The following SHANK2 variants were observed in gnomAD, a reference collection of about 807,000 sequenced individuals.
The protein encoded by SHANK2 is SH3 and multiple ankyrin repeat domains protein 2.
SHANK2 carries 43 observed loss-of-function variants against 133.7 expected under a neutral mutation model. That is an observed-to-expected ratio of 0.32 (90% CI 0.25 to 0.41). SHANK2 has a LOEUF of 0.41. Among genes scored for constraint, SHANK2 ranks in the 10% least tolerant of loss-of-function variants. The pLI, the probability that SHANK2 is intolerant of heterozygous loss-of-function variation, is 1.00. For synonymous variants in SHANK2, 1,017 were observed against 952.8 expected (o/e 1.07, Z -1.24); for missense variants, 1,994 against 2,235.8 (o/e 0.89, Z 2.18).
intron 1 of SHANK2, among the ~76,000 whole-genome samples, chr11:71,235,610 A>C (rs1414609591): frequency 6.8e-6 from 1 of 147,278 alleles, no homozygotes. Flanking sequence ...AAAAAAAAAA[A>C]CGTTAACTTT....
intron 11 of SHANK2, among the ~76,000 whole-genome samples, chr11:70,837,975 CAAA>C (rs55862093): frequency 4.0e-4 from 10 of 25,174 alleles, no homozygotes; most frequent in African/African-American, 1.3e-3. Flanking sequence ...CATTCTGTCT[CAAA>C]AAAAAAAAAA....
At position 70,559,743 on chromosome 11, in the gene SHANK2, G is replaced by A. The variant is rs139111080; in HGVS notation, c.2062-56812C>T. Among the ~76,000 whole-genome samples, 907 of 152,138 alleles carry A rather than the reference G, an allele frequency of 6.0e-3. 12 individuals carry two copies. Among genetic ancestry groups the A allele is most frequent in the African/African-American group, 0.021 (868 of 41,518 alleles). Reference sequence around the variant, plus strand: ...GTAACCTCTCCCCAAAACAGAAGACGGTGCGCCCTGCCCAGTCCCCTCCTG... The same window carrying A: ...GTAACCTCTCCCCAAAACAGAAGACAGTGCGCCCTGCCCAGTCCCCTCCTG... On this transcript the variant is annotated intron_variant, in intron 17 of 25. Coordinates refer to ENST00000601538, the MANE Select transcript of SHANK2 (RefSeq NM_012309.5).
chr11:71,221,245 A>G (rs1367977727), intron 2 of SHANK2, among the ~76,000 whole-genome samples: 2 of 151,996 alleles, frequency 1.3e-5, no homozygotes, highest in African/African-American at 2.4e-5. Context: ...ATTCTGTATT[A>G]TGTGTATCTT....
chr11:71,168,418 G>A (rs1555111599), intron 2 of SHANK2, among the ~76,000 whole-genome samples: 3 of 151,746 alleles, frequency 2.0e-5, no homozygotes, highest in African/African-American at 2.4e-5. Context: ...CTTCCCAGAC[G>A]GGGTGGCGGC....
At chr11:70,920,845 T>C (rs889982325) in intron 10 of SHANK2, among the ~76,000 whole-genome samples, 8 of 152,362 alleles carry the variant, frequency 5.3e-5, no homozygotes, top group African/African-American at 1.9e-4. Flanking sequence ...GCGATACAGA[T>C]GTTAAGATCA....
intron 11 of SHANK2, among the ~76,000 whole-genome samples, chr11:70,839,417 G>A (rs1590744827): frequency 6.6e-6 from 1 of 152,192 alleles, no homozygotes; most frequent in East Asian, 1.9e-4. Context: ...CAGGTCTGGA[G>A]GCAACACACA....
intron 11 of SHANK2, among the ~76,000 whole-genome samples, chr11:70,871,903 G>T (rs1949472152): frequency 6.6e-6 from 1 of 152,174 alleles, no homozygotes. Flanking sequence ...ACACCGTCTT[G>T]AAAGAAGCCT....
chr11:70,874,697 A>AT (rs1216242126), intron 11 of SHANK2, among the ~76,000 whole-genome samples: 124 of 151,762 alleles, frequency 8.2e-4, no homozygotes, highest in Non-Finnish European at 1.6e-3. Flanking sequence ...AAAAAAAAAA[A>AT]ATTCCACCTT....
At chr11:70,789,396 C>A (rs757325162) in intron 14 of SHANK2, among the ~76,000 whole-genome samples, 2 of 152,156 alleles carry the variant, frequency 1.3e-5, no homozygotes, top group Non-Finnish European at 2.9e-5. Context: ...TTCTAGAGAG[C>A]CATGGGGCCT....
chr11:70,893,495 G>T (rs2135642872), intron 11 of SHANK2, among the ~76,000 whole-genome samples: 1 of 152,316 alleles, frequency 6.6e-6, no homozygotes, highest in East Asian at 1.9e-4. Context: ...TCAACACATT[G>T]AGAGATGTCA....
At chr11:71,105,099 T>C (rs144238322) in intron 6 of SHANK2, among the ~76,000 whole-genome samples, 19 of 152,138 alleles carry the variant, frequency 1.2e-4, no homozygotes, top group African/African-American at 4.6e-4. Context: ...AGGAGGCAAG[T>C]GGATAAGCAA....
At chr11:70,506,715 C>A (rs1554968474) in intron 17 of SHANK2, among the ~76,000 whole-genome samples, 1 of 152,156 alleles carries the variant, frequency 6.6e-6, no homozygotes, top group African/African-American at 2.4e-5. Flanking sequence ...ATCCGGTGAG[C>A]CCTGGTCCTG....
intron 10 of SHANK2, among the ~76,000 whole-genome samples, chr11:70,944,847 T>C (rs1950700894): frequency 6.6e-6 from 1 of 152,214 alleles, no homozygotes; most frequent in Non-Finnish European, 1.5e-5. Flanking sequence ...TCCGCCTCCT[T>C]GTGTTCATCT....
At chr11:71,221,702 C>A (rs1448038128) in intron 2 of SHANK2, among the ~76,000 whole-genome samples, 1 of 152,132 alleles carries the variant, frequency 6.6e-6, no homozygotes, top group Non-Finnish European at 1.5e-5. Context: ...TTATGCGATA[C>A]CCTGGCTGCT....
At chr11:70,684,355 A>G (rs1346408622) in intron 15 of SHANK2, among the ~76,000 whole-genome samples, 1 of 152,114 alleles carries the variant, frequency 6.6e-6, no homozygotes, top group Non-Finnish European at 1.5e-5. Flanking sequence ...CCAGGAGTTC[A>G]AGACCAGCTT....
Position 70,517,485 on chromosome 11 carries a change from A to G in SHANK2, c.2062-14554T>C, listed in dbSNP as rs544148780. Among the ~76,000 whole-genome samples, 15 of 152,348 alleles carry G rather than the reference A, an allele frequency of 9.8e-5. No individual in the cohort carries two copies. In the East Asian group the frequency reaches 2.7e-3, roughly 27 times the overall value. On this transcript the variant is annotated intron_variant, in intron 17 of 25. Coordinates refer to ENST00000601538, the MANE Select transcript of SHANK2 (RefSeq NM_012309.5). ...CAGATGTCTTTTGAGAGGTGAGTGG[A>G]CAAACACACTGGTCCATCTAGAAAA... is the stretch of plus-strand genomic sequence containing the variant.
chr11:70,937,361 T>G (rs1950586318), intron 10 of SHANK2, among the ~76,000 whole-genome samples: 2 of 152,240 alleles, frequency 1.3e-5, no homozygotes, highest in Non-Finnish European at 2.9e-5. Flanking sequence ...ATGCCTTCAG[T>G]GATCACTGCT....
In SHANK2 at chr11:71,188,895, G is replaced by T. The variant is rs1238892231; in HGVS notation, c.-13+35802C>A. ...GGCAAGTGATGGGTCAAGGTGGGTG[G>T]AAGCAAACCCTGGGGTTCTCTCAAT... On this transcript the variant is annotated intron_variant, in intron 2 of 25. Transcript: ENST00000601538. This position sits in a 1 kb window ranked among gnomAD's most constrained non-coding sequence, Gnocchi z 4.6. Among the ~76,000 whole-genome samples, 1 of 152,168 alleles carries T rather than the reference G, an allele frequency of 6.6e-6. No individual in the cohort carries two copies. The highest frequency in any genetic ancestry group is 2.4e-5 in the African/African-American group (1 of 41,454).
At chr11:71,172,819 G>A (rs1417784080) in intron 2 of SHANK2, among the ~76,000 whole-genome samples, 1 of 152,184 alleles carries the variant, frequency 6.6e-6, no homozygotes, top group Non-Finnish European at 1.5e-5. Flanking sequence ...TCCTGCAGGT[G>A]CATGGTCTAG....
Sources: gnomAD v4.1 joint callset for allele counts (sites outside exome capture counted in the v4.1 genomes callset) on GRCh38, gnomAD v4.1.1 for gene constraint, Gnocchi (gnomAD v3.1) non-coding constraint, MANE v1.5 for transcripts, NCBI Gene and HGNC (gene_info 2026-07-23, HGNC 2026-07-21) for gene names.